HS1BP3: variants seen among roughly 807,000 people sequenced by gnomAD.
HS1BP3 encodes the protein HCLS1-binding protein 3.
HS1BP3 carries 32 observed loss-of-function variants against 33.5 expected under a neutral mutation model. The ratio of observed to expected loss-of-function variants is 0.95; its 90% CI spans 0.72 to 1.28. The LOEUF (loss-of-function observed/expected upper bound fraction) is 1.28. Among genes scored for constraint, HS1BP3 ranks in the 50% most tolerant of loss-of-function variants. The pLI is 0.00. For missense variants in HS1BP3, 486 were observed against 502.3 expected, an observed-to-expected ratio of 0.97 and a Z score of 0.31; for synonymous variants, 187 against 209.2, an observed-to-expected ratio of 0.89 and a Z score of 0.92.
intron 2 of HS1BP3, chr2:20,606,368 G>A (rs1009212160): frequency 6.4e-6 from 3 of 466,350 alleles, no homozygotes; most frequent in South Asian, 3.7e-5. Context: ...CCAGTTTGAT[G>A]AGTCCTTTGC....
At chr2:20,582,476 C>A (rs1693557618) in intron 5 of HS1BP3, among the ~76,000 whole-genome samples, 1 of 152,084 alleles carries the variant, frequency 6.6e-6, no homozygotes, top group African/African-American at 2.4e-5. Flanking sequence ...GGGTAGCAGG[C>A]TCTAAGAGTG....
intron 2 of HS1BP3, among the ~76,000 whole-genome samples, chr2:20,606,034 A>G (rs1694169562): frequency 6.6e-6 from 1 of 152,072 alleles, no homozygotes; most frequent in Non-Finnish European, 1.5e-5. Context: ...TATTTTCCAT[A>G]TTGACCATAC....
At chr2:20,558,943 A>T (rs1434697532), downstream of HS1BP3, among the ~76,000 whole-genome samples, 3 of 152,154 alleles carry the variant, frequency 2.0e-5, no homozygotes, top group African/African-American at 7.2e-5. Flanking sequence ...GGGTCTGCAG[A>T]AGTGCCTGAG....
At chr2:20,616,878 T>C (rs1694438893), downstream of HS1BP3, among the ~76,000 whole-genome samples, 1 of 152,166 alleles carries the variant, frequency 6.6e-6, no homozygotes, top group Admixed American at 6.5e-5. Flanking sequence ...GGATCATTGA[T>C]TGGCCATGAG....
At chr2:20,642,498 T>C in intron 2 of HS1BP3, among the ~76,000 whole-genome samples, 1 of 152,198 alleles carries the variant, frequency 6.6e-6, no homozygotes, top group East Asian at 1.9e-4. Context: ...CCCAGAGCGA[T>C]TGCTAACACA....
At chr2:20,609,535 G>C (rs775877940) in intron 2 of HS1BP3, among the ~76,000 whole-genome samples, 1 of 152,182 alleles carries the variant, frequency 6.6e-6, no homozygotes, top group Admixed American at 6.5e-5. Context: ...TCCAGGAGTG[G>C]GGGAGAGGAG....
At chr2:20,589,813 G>A (rs1693768957), downstream of HS1BP3, among the ~76,000 whole-genome samples, 1 of 152,096 alleles carries the variant, frequency 6.6e-6, no homozygotes, top group Non-Finnish European at 1.5e-5. Context: ...AGCTGGTGGA[G>A]GGAGACTCCT....
chr2:20,600,832 AT>A (rs1292502255), intron 2 of HS1BP3, among the ~76,000 whole-genome samples: 2 of 152,146 alleles, frequency 1.3e-5, no homozygotes, highest in African/African-American at 4.8e-5. Flanking sequence ...TTATAAAAAA[AT>A]ATATATTTCT....
intron 4 of HS1BP3, among the ~76,000 whole-genome samples, chr2:20,630,921 C>G (rs1291570770): frequency 6.6e-6 from 1 of 152,160 alleles, no homozygotes; most frequent in Non-Finnish European, 1.5e-5. Context: ...TTGGCCACCT[C>G]CAGTGGGGCC....
downstream of HS1BP3, among the ~76,000 whole-genome samples, chr2:20,558,800 G>A (rs1692902678): frequency 6.6e-6 from 1 of 152,172 alleles, no homozygotes; most frequent in Non-Finnish European, 1.5e-5. Context: ...GCCTGTGGGA[G>A]GGGAGGGCCA....
intron 6 of HS1BP3, among the ~76,000 whole-genome samples, 191 bp from the exon 7 acceptor site, chr2:20,619,436 C>T (rs1025697528): frequency 3.9e-5 from 6 of 152,136 alleles, no homozygotes; most frequent in Non-Finnish European, 7.4e-5. Flanking sequence ...AGAGGAGACA[C>T]GAAGGCCAGG....
downstream of HS1BP3, among the ~76,000 whole-genome samples, chr2:20,557,782 T>C (rs1386497209): frequency 6.6e-6 from 1 of 152,142 alleles, no homozygotes; most frequent in Non-Finnish European, 1.5e-5. Flanking sequence ...AACATGGCTC[T>C]CTCCTGGTTC....
At chr2:20,578,414 G>A (rs989401479) in intron 5 of HS1BP3, among the ~76,000 whole-genome samples, 2 of 152,184 alleles carry the variant, frequency 1.3e-5, no homozygotes, top group East Asian at 1.9e-4. Context: ...GCTCACCATG[G>A]TAACCAACCA....
intron 2 of HS1BP3, among the ~76,000 whole-genome samples, chr2:20,603,540 T>TAG (rs1013111788): frequency 2.6e-5 from 4 of 152,074 alleles, no homozygotes; most frequent in African/African-American, 9.7e-5. Flanking sequence ...AATGGGCAAA[T>TAG]AGAGAGAGAT....
At position 20,618,049 on chromosome 2, in the gene HS1BP3, A is replaced by C. The variant is rs1188120468; in HGVS notation, c.*938T>G. The C allele has an allele frequency of 1.3e-5, 2 of 152,416 alleles. No individual in the cohort carries two copies. Among genetic ancestry groups the C allele is most frequent in the African/African-American group, 4.8e-5 (2 of 41,448 alleles). The allele number at this position is 152,416 out of a possible 1,614,324, so 9.4% of individuals were successfully genotyped here. On this transcript the variant is annotated 3_prime_UTR_variant, in exon 7 of 7. Transcript: ENST00000304031. ...GGCCTCGGGGCAGAAGCCTGAGAGA[A>C]TCATGCCCCACTGGCAGTGGGAGGC...
chr2:20,576,255 T>C (rs1693397504), intron 5 of HS1BP3, among the ~76,000 whole-genome samples: 1 of 152,214 alleles, frequency 6.6e-6, no homozygotes, highest in Admixed American at 6.5e-5. Context: ...GTTCTGGGAT[T>C]ATAGGTGTGA....
intron 1 of HS1BP3, among the ~76,000 whole-genome samples, chr2:20,649,020 C>T (rs2149305723): frequency 6.6e-6 from 1 of 152,008 alleles, no homozygotes; most frequent in East Asian, 1.9e-4. Context: ...TCACCCCGGG[C>T]CAAGCCACCA....
chr2:20,600,256 A>G lies in HS1BP3; in HGVS notation c.179-1991T>C, dbSNP rs553966776. Among the ~76,000 whole-genome samples, 7 of 152,292 alleles carry G rather than the reference A, an allele frequency of 4.6e-5. No individual in the cohort carries two copies. In the East Asian group the frequency reaches 1.4e-3, roughly 29 times the overall value. On this transcript the variant is annotated intron_variant, in intron 2 of 3. Coordinates refer to the HS1BP3 transcript ENST00000415264. ...CCCAGTGACCCTGCCCCTGGCACCA[A>G]TCACTATGACAACAGCTCAATAGGG...
downstream of HS1BP3, among the ~76,000 whole-genome samples, chr2:20,613,380 C>T (rs564244537): frequency 1.3e-5 from 2 of 152,214 alleles, no homozygotes; most frequent in Non-Finnish European, 2.9e-5. Flanking sequence ...CCTCGGAGGC[C>T]AGCGAGAGGA....
Sources: gnomAD v4.1 joint callset for allele counts (sites outside exome capture counted in the v4.1 genomes callset) on GRCh38, gnomAD v4.1.1 for gene constraint, MANE v1.5 for transcripts, NCBI Gene and HGNC (gene_info 2026-07-23, HGNC 2026-07-21) for gene names.